The following MYO10 variants were observed in gnomAD, a reference collection of about 807,000 sequenced individuals.
MYO10 encodes unconventional myosin-X.
A neutral mutation model predicts 257.3 loss-of-function variants in MYO10; 133 were observed. The observed-to-expected ratio is 0.52, with a 90% CI of 0.45 to 0.60. The LOEUF is 0.60. Among genes scored for constraint, MYO10 ranks in the 20% least tolerant of loss-of-function variants. The pLI is 0.00. For missense variants in MYO10, 2,399 were observed against 2,635.7 expected (o/e 0.91, Z 1.97); for synonymous variants, 1,104 against 1,028.6 (o/e 1.07, Z -1.40).
At chr5:16,932,576 G>A (rs1006724538) in intron 1 of MYO10, among the ~76,000 whole-genome samples, 2 of 152,084 alleles carry the variant, frequency 1.3e-5, no homozygotes, top group African/African-American at 4.8e-5. Context: ...CTTCCCCAAA[G>A]CATACACACA....
intron 39 of MYO10, 95 bp downstream of exon 39, chr5:16,670,431 T>G: frequency 8.8e-7 from 1 of 1,135,276 alleles, no homozygotes; most frequent in African/African-American, 1.6e-5. Flanking sequence ...AGCAAAATGC[T>G]CCATCTTGTC....
At chr5:16,702,219 C>T (rs575411432) in intron 24 of MYO10, among the ~76,000 whole-genome samples, 5 of 152,292 alleles carry the variant, frequency 3.3e-5, no homozygotes, top group South Asian at 2.1e-4. Context: ...CTTGCAGTTC[C>T]GGCCTCCAGA....
chr5:16,899,405 C>T (rs1312073335), intron 1 of MYO10, among the ~76,000 whole-genome samples: 1 of 151,766 alleles, frequency 6.6e-6, no homozygotes, highest in Non-Finnish European at 1.5e-5. Context: ...GAGGTGGAGG[C>T]GGGCAGATCA....
At chr5:16,681,809 T>C in intron 31 of MYO10, 62 bp downstream of exon 31, 1 of 1,536,604 alleles carries the variant, frequency 6.5e-7, no homozygotes, top group Non-Finnish European at 8.9e-7. Context: ...GCTGCAGATG[T>C]CTATATGCAA....
At chr5:16,784,490 G>A (rs1171140920) in intron 4 of MYO10, among the ~76,000 whole-genome samples, 1 of 152,214 alleles carries the variant, frequency 6.6e-6, no homozygotes, top group Admixed American at 6.5e-5. Context: ...GAGACGGAGA[G>A]GAAGATACGG....
Position 16,694,510 on chromosome 5 carries a change from T to A in MYO10, c.3661A>T (p.Lys1221Ter). Reference protein sequence around the residue: ...QEALKQGWLHKKGGGSSTLSR... With the variant: ...QEALKQGWLH ...AGCGTGGAGGAGCCCCCCCCTTTTT[T>A]GTGGAGCCAGCCTTGCTTGAGGGCC... Residue 1221 changes from lysine to a stop codon, truncating the protein, a stop_gained, in exon 27 of 41, where the codon AAA becomes TAA. Coordinates refer to ENST00000513610, the MANE Select transcript of MYO10 (RefSeq NM_012334.3). LOFTEE classifies it high-confidence loss of function. 1 of 1,613,998 alleles carries A rather than the reference T, an allele frequency of 6.2e-7. No individual in the cohort carries two copies. Among genetic ancestry groups the A allele is most frequent in the Non-Finnish European group, 8.5e-7 (1 of 1,179,880 alleles).
chr5:16,751,356 T>A (rs1413630435), intron 19 of MYO10, among the ~76,000 whole-genome samples: 1 of 152,210 alleles, frequency 6.6e-6, no homozygotes. Flanking sequence ...TGGAACCAAA[T>A]GAATGCTAAT....
intron 1 of MYO10, among the ~76,000 whole-genome samples, chr5:16,921,768 G>A (rs1447987708): frequency 1.3e-5 from 2 of 152,160 alleles, no homozygotes; most frequent in African/African-American, 4.8e-5. Flanking sequence ...TCCTAGTGAT[G>A]TCTGAAGACA....
chr5:16,703,186 G>A (rs572818109), intron 22 of MYO10, 28 bp from the exon 23 acceptor site: 19 of 1,529,124 alleles, frequency 1.2e-5, no homozygotes, highest in East Asian at 9.2e-5. Context: ...CAAGAGAATC[G>A]GCATTGAAGT....
intron 2 of MYO10, among the ~76,000 whole-genome samples, chr5:16,823,770 C>G (rs923998633): frequency 7.1e-6 from 1 of 139,944 alleles, no homozygotes; most frequent in Non-Finnish European, 1.6e-5. Context: ...CTGCGCCTGG[C>G]TGGGGGCGGG....
At chr5:16,924,830 C>CTTTTT (rs35010705) in intron 1 of MYO10, among the ~76,000 whole-genome samples, 7 of 124,358 alleles carry the variant, frequency 5.6e-5, no homozygotes, top group African/African-American at 1.2e-4. Flanking sequence ...CACTTTATCA[C>CTTTTT]TTTTTTTTTT....
At chr5:16,755,985 C>T (rs1279271860) in intron 18 of MYO10, among the ~76,000 whole-genome samples, 4 of 152,110 alleles carry the variant, frequency 2.6e-5, no homozygotes, top group African/African-American at 9.7e-5. Context: ...ACATTAATTC[C>T]TTAAACTAAT....
intron 27 of MYO10, among the ~76,000 whole-genome samples, chr5:16,692,715 T>C (rs1737563877): frequency 1.3e-5 from 2 of 152,164 alleles, no homozygotes; most frequent in Admixed American, 1.3e-4. Flanking sequence ...CGTGGTTTAT[T>C]ATATTCTTCC....
chr5:16,780,559 TA>T lies in MYO10; in HGVS notation c.790del (p.Tyr264MetfsTer26). The T allele has an allele frequency of 1.9e-6, 3 of 1,585,078 alleles. No homozygotes were observed. Among genetic ancestry groups the T allele is most frequent in the Non-Finnish European group, 2.6e-6 (3 of 1,163,978 alleles). ...NPGERNYHIF[Y>X]ALLAGLEHEE... ...ATGTTCCAGCCCTGCCAGCAGTGCA[TA>T]AAATATGTGATAATTCCTTTCCCCG... is the stretch of plus-strand genomic sequence containing the variant. On this transcript the variant is annotated frameshift_variant, in exon 8 of 41. Coordinates refer to ENST00000513610, the MANE Select transcript of MYO10 (RefSeq NM_012334.3). LOFTEE classifies it high-confidence loss of function.
At chr5:16,812,371 A>G (rs1413126437) in intron 3 of MYO10, among the ~76,000 whole-genome samples, 1 of 152,212 alleles carries the variant, frequency 6.6e-6, no homozygotes, top group Non-Finnish European at 1.5e-5. Context: ...ACCTATGGAC[A>G]CTGGCATCAA....
chr5:16,890,888 A>T (rs116454724), intron 1 of MYO10, among the ~76,000 whole-genome samples: 4,045 of 151,988 alleles, frequency 0.027, 98 homozygotes, highest in Middle Eastern at 0.037. Flanking sequence ...ACATGCTATA[A>T]CATGGATGAG....
At chr5:16,833,130 C>T (rs1427482207) in intron 2 of MYO10, among the ~76,000 whole-genome samples, 3 of 152,034 alleles carry the variant, frequency 2.0e-5, no homozygotes, top group East Asian at 1.9e-4. Context: ...ATAAAGCCAA[C>T]GTTTCTCAAA....
intron 2 of MYO10, among the ~76,000 whole-genome samples, chr5:16,863,070 C>T (rs1744151055): frequency 1.3e-5 from 2 of 151,922 alleles, no homozygotes; most frequent in South Asian, 2.1e-4. Flanking sequence ...GTCTACAGAC[C>T]CAGGGAGGAA....
In MYO10 at chr5:16,922,213, C is replaced by CA. The variant is rs370180899; in HGVS notation, c.21+13574dup. ...TGGGTGACAGAGCAAGACTCCGTCT[C>CA]AAAAAAAAAAAAAAATCAAGGGTGC... On this transcript the variant is annotated intron_variant, in intron 1 of 40. Coordinates refer to ENST00000513610, the MANE Select transcript of MYO10 (RefSeq NM_012334.3). Among the ~76,000 whole-genome samples the CA allele has an allele frequency of 7.7e-3, 974 of 126,004 alleles. 7 individuals are homozygous for CA. Among genetic ancestry groups the CA allele is most frequent in the African/African-American group, 0.022 (726 of 33,158 alleles). 82.7% of individuals were successfully genotyped at this position (126,004 alleles called of 152,430 possible).
Sources: allele counts gnomAD v4.1 joint callset (sites outside exome capture counted in the v4.1 genomes callset), GRCh38; gene constraint gnomAD v4.1.1; transcripts MANE v1.5; gene names NCBI Gene and HGNC (gene_info 2026-07-23, HGNC 2026-07-21).